The following RELB variants were observed in gnomAD, a reference collection of about 807,000 sequenced individuals.
The protein encoded by RELB is RELB proto-oncogene, NF-kB subunit.
RELB carries 14 observed loss-of-function variants against 55.4 expected under a neutral mutation model. The ratio of observed to expected loss-of-function variants is 0.25; its 90% CI spans 0.17 to 0.40. RELB has a LOEUF of 0.40. RELB is among the 10% of genes least tolerant of loss of function. The pLI is 1.00. For synonymous variants in RELB, 409 were observed against 371.3 expected, an observed-to-expected ratio of 1.10 and a Z score of -1.17; for missense variants, 669 against 830.7, an observed-to-expected ratio of 0.81 and a Z score of 2.39.
chr19:45,023,393 T>TTCCTTCC (rs773540492), intron 5 of RELB, among the ~76,000 whole-genome samples: 148 of 144,684 alleles, frequency 1.0e-3, no homozygotes, highest in Admixed American at 1.3e-3. Flanking sequence ...TGCAGTTTTC[T>TTCCTTCC]TTCCTTCCTT....
In RELB at chr19:45,037,874, A is replaced by C; in HGVS notation, c.*84A>C. ...CCCAACCAGGATGTCTAGCACCCCC[A>C]TCCCCTTGGCCCTTCCTCATGCTTC... On this transcript the variant is annotated 3_prime_UTR_variant, in exon 12 of 12. Coordinates refer to ENST00000221452, the MANE Select transcript of RELB (RefSeq NM_006509.4). 2 of 1,341,786 alleles carry C rather than the reference A, an allele frequency of 1.5e-6. No homozygotes were observed. Among genetic ancestry groups the C allele is most frequent in the Non-Finnish European group, 2.0e-6 (2 of 1,015,842 alleles). The allele number at this position is 1,341,786 out of a possible 1,614,324, so 83.1% of individuals were successfully genotyped here.
intron 8 of RELB, among the ~76,000 whole-genome samples, chr19:45,031,762 G>A (rs1402381953): frequency 2.0e-5 from 3 of 151,372 alleles, no homozygotes; most frequent in Non-Finnish European, 4.4e-5. Context: ...ATTTTTAGTA[G>A]AGACGGGGTT....
At chr19:45,032,414 C>CA (rs147163954) in intron 8 of RELB, 120 bp from the exon 9 acceptor site, 8,343 of 685,522 alleles carry the variant, frequency 0.012, no homozygotes, top group Non-Finnish European at 0.015. Context: ...GCAAGACTCT[C>CA]AAAAAAAAAA....
At position 45,037,934 on chromosome 19, in the gene RELB, C is replaced by A; in HGVS notation, c.*144C>A. ...CATATTCAGCCTTGGCGAGAAGCTC[C>A]GTTGCACGGGTTTCCCCTTGAGCCC... On this transcript the variant is annotated 3_prime_UTR_variant, in exon 12 of 12. Transcript: ENST00000221452. 1.3e-6 allele frequency: 1 copy of A among 792,100 alleles called. No individual in the cohort carries two copies. The highest frequency in any genetic ancestry group is 1.8e-6 in the Non-Finnish European group (1 of 558,422). 49.1% of individuals were successfully genotyped at this position (792,100 alleles called of 1,614,324 possible). A position where few individuals can be genotyped will look rare whatever the true frequency, so the allele number is the denominator to read the frequency against.
chr19:45,020,412 C>T (rs899954137), intron 4 of RELB, among the ~76,000 whole-genome samples: 4 of 151,536 alleles, frequency 2.6e-5, no homozygotes, highest in African/African-American at 4.8e-5. Flanking sequence ...TTTATAGAGA[C>T]GGGGTTGCCC....
chr19:45,021,192 G>C (rs983689254), intron 4 of RELB, among the ~76,000 whole-genome samples: 7 of 151,722 alleles, frequency 4.6e-5, no homozygotes, highest in Non-Finnish European at 7.4e-5. Flanking sequence ...ATTTAAAAAA[G>C]GCCAGGCACG....
At position 45,037,779 on chromosome 19, in the gene RELB, G is replaced by C. The variant is rs758475343; in HGVS notation, c.1729G>C (p.Glu577Gln). Residue 577 changes from glutamate (E) to glutamine (Q), a missense_variant, in exon 12 of 12, where the codon GAA becomes CAA. By Grantham distance (29) the Glu-to-Gln change is conservative. Around this residue, in one of 3 missense-constraint regions of RELB, gnomAD observed 341 missense variants for 436.8 expected, o/e 0.78. Coordinates refer to ENST00000221452, the MANE Select transcript of RELB (RefSeq NM_006509.4). ...FGGGLLSPGP[E>Q]AT ...GGGCGGCCTCCTATCCCCGGGGCCT[G>C]AAGCCACGTAGCCCCGCGATGCCAG... 1.3e-6 allele frequency: 2 copies of C among 1,485,728 alleles called. No individual in the cohort carries two copies. Among genetic ancestry groups the C allele is most frequent in the South Asian group, 1.4e-5 (1 of 72,592 alleles). 92.0% of individuals were successfully genotyped at this position (1,485,728 alleles called of 1,614,324 possible). A position where few individuals can be genotyped will look rare whatever the true frequency, so the allele number is the denominator to read the frequency against.
chr19:45,030,448 A>C (rs191594454), intron 8 of RELB, among the ~76,000 whole-genome samples: 58 of 152,318 alleles, frequency 3.8e-4, no homozygotes, highest in African/African-American at 1.3e-3. Flanking sequence ...CATGGCCAAC[A>C]TGGTGAAACC....
rs146318299 is a variant in RELB, at chr19:45,008,236, G to T, written c.155-1578G>T. 2.1e-3 allele frequency among the ~76,000 whole-genome samples: 318 copies of T among 152,102 alleles called. 1 individual carries two copies. The highest frequency in any genetic ancestry group is 7.0e-3 in the African/African-American group (291 of 41,512). On this transcript the variant is annotated intron_variant, in intron 2 of 11. Coordinates refer to ENST00000221452, the MANE Select transcript of RELB (RefSeq NM_006509.4). ...AAATAAAAGTATCTTAGCCCAACAA[G>T]GTAGGCATTATTATTGTGCCCATTT... is the stretch of plus-strand genomic sequence containing the variant.
intron 2 of RELB, among the ~76,000 whole-genome samples, chr19:45,008,982 G>T (rs1248224898): frequency 2.6e-5 from 4 of 152,214 alleles, no homozygotes; most frequent in Non-Finnish European, 5.9e-5. Context: ...GGAAGCAGGG[G>T]TGAATCTGGG....
At chr19:45,023,895 C>A in intron 5 of RELB, among the ~76,000 whole-genome samples, 1 of 151,144 alleles carries the variant, frequency 6.6e-6, no homozygotes, top group East Asian at 1.9e-4. Flanking sequence ...GGATTACAGG[C>A]GCCAGCCACC....
chr19:45,008,323 C>G (rs541061960), intron 2 of RELB: 1 of 426,456 alleles, frequency 2.3e-6, no homozygotes, highest in South Asian at 1.6e-5. Flanking sequence ...CCACAACTAG[C>G]AAGTTGCAGA....
At chr19:45,012,388 G>A in intron 4 of RELB, 112 bp downstream of exon 4, 1 of 635,480 alleles carries the variant, frequency 1.6e-6, no homozygotes, top group Non-Finnish European at 2.3e-6. Flanking sequence ...TGTTATTGTT[G>A]GACCAGATAT....
chr19:45,026,567 A>G (rs34112874), intron 7 of RELB, among the ~76,000 whole-genome samples: 1,849 of 151,964 alleles, frequency 0.012, 40 homozygotes, highest in African/African-American at 0.042. Flanking sequence ...AAAAAACATC[A>G]AACCCAAAAT....
intron 2 of RELB, among the ~76,000 whole-genome samples, chr19:45,005,578 C>T (rs961916326): frequency 6.6e-6 from 1 of 152,056 alleles, no homozygotes; most frequent in African/African-American, 2.4e-5. Flanking sequence ...ACTGCCCAAG[C>T]GGTGGTCCTG....
intron 5 of RELB, among the ~76,000 whole-genome samples, chr19:45,025,101 C>T (rs553626272): frequency 6.6e-6 from 1 of 151,600 alleles, no homozygotes; most frequent in South Asian, 2.1e-4. Context: ...TCAAGTGATC[C>T]TCCTGCCTCG....
At chr19:45,025,458 C>T (rs751469673) in intron 6 of RELB, 38 bp downstream of exon 6, 1 of 1,586,968 alleles carries the variant, frequency 6.3e-7, no homozygotes, top group Non-Finnish European at 8.6e-7. Context: ...TCCCGTCCTC[C>T]CAAACCCCTT....
At chr19:45,034,113 C>G (rs578172337) in intron 9 of RELB, 131 bp from the exon 10 acceptor site, 12 of 598,786 alleles carry the variant, frequency 2.0e-5, no homozygotes, top group Non-Finnish European at 2.7e-5. Context: ...GAGCCAAGAC[C>G]GTGCCACTGC....
At chr19:45,023,437 C>CTTCT (rs1003662683) in intron 5 of RELB, among the ~76,000 whole-genome samples, 17 of 149,624 alleles carry the variant, frequency 1.1e-4, no homozygotes, top group East Asian at 2.0e-4. Context: ...TCCTTCCGTC[C>CTTCT]TTCTTTCTTT....
Sources: allele counts gnomAD v4.1 joint callset (sites outside exome capture counted in the v4.1 genomes callset), GRCh38; gene constraint gnomAD v4.1.1; regional missense constraint gnomAD v4.1.1; transcripts MANE v1.5; gene names NCBI Gene and HGNC (gene_info 2026-07-23, HGNC 2026-07-21).